Variants in FAM118B observed in about 807,000 individuals in gnomAD.
FAM118B encodes SIR2 antiphage like 1, also known as protein FAM118B.
Under a neutral mutation model 38.5 loss-of-function variants are expected in FAM118B, and 24 were observed. The observed-to-expected ratio is 0.62, with a 90% confidence interval of 0.45 to 0.88. The LOEUF (loss-of-function observed/expected upper bound fraction) is 0.88, where lower values mean the gene tolerates loss of function less well. Among genes scored for constraint, FAM118B ranks in the 40% least tolerant of loss-of-function variants. The probability of loss-of-function intolerance (pLI) is 0.00; values close to 1 mark genes in which losing one functional copy is unlikely to be tolerated. For missense variants in FAM118B, 334 were observed against 420.0 expected (o/e 0.80, Z 1.79); for synonymous variants, 138 against 156.3 (o/e 0.88, Z 0.87).
At chr11:126,227,058 C>CTTTTTTTTTTTT (rs575065140) in intron 1 of FAM118B, among the ~76,000 whole-genome samples, 3 of 97,172 alleles carry the variant, frequency 3.1e-5, no homozygotes, top group Non-Finnish European at 6.0e-5. Context: ...ATACAAGCTT[C>CTTTTTTTTTTTT]TTTTTTTTTT....
intron 5 of FAM118B, 23 bp from the exon 6 acceptor site, chr11:126,254,282 T>C (rs1234151688): frequency 6.2e-7 from 1 of 1,609,394 alleles, no homozygotes; most frequent in Non-Finnish European, 8.5e-7. Flanking sequence ...CCAAGCTGGT[T>C]GGGCTATATG....
chr11:126,224,305 T>C (rs903067127), intron 1 of FAM118B, among the ~76,000 whole-genome samples: 2 of 151,818 alleles, frequency 1.3e-5, no homozygotes. Flanking sequence ...AAACCCTGTC[T>C]CTACAAAATA....
chr11:126,219,223 C>T (rs1950024918), intron 1 of FAM118B, among the ~76,000 whole-genome samples: 1 of 151,824 alleles, frequency 6.6e-6, no homozygotes, highest in South Asian at 2.1e-4. Context: ...CACGTAAGGA[C>T]AGAAGTTATC....
rs1295359669 is a variant in FAM118B, at chr11:126,235,107, C to T, written c.86+20C>T. On this transcript the variant is annotated intron_variant, in intron 3 of 8. Coordinates refer to ENST00000533050, the MANE Select transcript of FAM118B (RefSeq NM_024556.4). ...GCCCAGGTAAACAAGAGAAGGGAATCAGCAGAGTAAATTACCATTAGTGGG... is the reference window on the plus strand; with the variant it reads ...GCCCAGGTAAACAAGAGAAGGGAATTAGCAGAGTAAATTACCATTAGTGGG... 7 of 1,607,970 alleles carry T rather than the reference C, an allele frequency of 4.4e-6. No homozygotes were observed. Among genetic ancestry groups the T allele is most frequent in the Middle Eastern group, 1.7e-4 (1 of 6,052 alleles).
At position 126,233,717 on chromosome 11, in the gene FAM118B, A is replaced by G. The variant is rs778794348; in HGVS notation, c.-7-1278A>G. The G allele has an allele frequency of 1.6e-4, 71 of 456,458 alleles. 1 individual carries two copies. The highest frequency in any genetic ancestry group is 7.7e-4 in the South Asian group (50 of 64,544). The allele number at this position is 456,458 out of a possible 1,614,324, so 28.3% of individuals were successfully genotyped here. A position where few individuals can be genotyped will look rare whatever the true frequency, so the allele number is the denominator to read the frequency against. On this transcript the variant is annotated intron_variant, in intron 2 of 8. Transcript: ENST00000533050. ...AGAATTACACTGCGTGTGATGGACTATGGGGTGAGGATGTGAGCCTTCTGT... is the reference window on the plus strand; with the variant it reads ...AGAATTACACTGCGTGTGATGGACTGTGGGGTGAGGATGTGAGCCTTCTGT...
At chr11:126,211,975 A>C in intron 1 of FAM118B, 145 bp downstream of exon 1, 26 of 251,010 alleles carry the variant, frequency 1.0e-4, no homozygotes, top group Non-Finnish European at 1.6e-4. Flanking sequence ...CCACTCAAAA[A>C]CTCCTCCCCG....
intron 3 of FAM118B, among the ~76,000 whole-genome samples, chr11:126,238,318 C>G (rs984784449): frequency 6.6e-6 from 1 of 151,856 alleles, no homozygotes; most frequent in Non-Finnish European, 1.5e-5. Flanking sequence ...GCCAAGATTA[C>G]GAGATTCCAT....
chr11:126,220,209 T>C (rs778268546), intron 1 of FAM118B, among the ~76,000 whole-genome samples: 5 of 152,196 alleles, frequency 3.3e-5, no homozygotes, highest in Non-Finnish European at 5.9e-5. Flanking sequence ...GTGCTCTCTT[T>C]TTCTGAATGA....
Position 126,234,648 on chromosome 11 carries a change from G to T in FAM118B, c.-7-347G>T, listed in dbSNP as rs575164729. On this transcript the variant is annotated intron_variant, in intron 2 of 8. Transcript: ENST00000533050. The stretch of plus-strand genomic sequence containing the variant: ...CCTGAGTCTTCCGCAAACCCATCTT[G>T]TGGGAGAATAACTGGTTTTTCTTAA... 4.6e-5 allele frequency among the ~76,000 whole-genome samples: 7 copies of T among 152,308 alleles called. No homozygotes were observed. The East Asian group carries it at 1.2e-3, about 25-fold the overall frequency.
chr11:126,226,706 G>A (rs947296381), intron 1 of FAM118B, among the ~76,000 whole-genome samples: 2 of 152,192 alleles, frequency 1.3e-5, no homozygotes, highest in African/African-American at 2.4e-5. Context: ...TTGGCCAGGT[G>A]CAGTGGCTCA....
intron 4 of FAM118B, 84 bp downstream of exon 4, chr11:126,241,128 A>G: frequency 1.5e-6 from 2 of 1,371,362 alleles, no homozygotes; most frequent in Non-Finnish European, 9.9e-7. Flanking sequence ...TGTCAAAACT[A>G]GCATGCCAAA....
intron 1 of FAM118B, among the ~76,000 whole-genome samples, chr11:126,227,380 CCTT>C (rs1241755179): frequency 5.3e-5 from 8 of 152,006 alleles, no homozygotes; most frequent in African/African-American, 1.9e-4. Context: ...ATTCATAAAT[CCTT>C]CTTTAGTTCC....
intron 4 of FAM118B, chr11:126,245,376 T>G (rs981618292): frequency 1.3e-5 from 2 of 152,138 alleles, no homozygotes; most frequent in African/African-American, 4.8e-5. Context: ...ACTCAAATTT[T>G]TTTTTCTTTC....
At chr11:126,257,544 G>C (rs1230519119) in intron 7 of FAM118B, among the ~76,000 whole-genome samples, 1 of 149,766 alleles carries the variant, frequency 6.7e-6, no homozygotes, top group Admixed American at 6.7e-5. Flanking sequence ...AGACATATGA[G>C]TAAAGGAAGA....
rs1591528011 is a variant in FAM118B, at chr11:126,255,568, C to T, written c.697-999C>T. Among the ~76,000 whole-genome samples the T allele has an allele frequency of 6.6e-6, 1 of 152,300 alleles. No homozygotes were observed. Among genetic ancestry groups the T allele is most frequent in the East Asian group, 1.9e-4 (1 of 5,182 alleles). On this transcript the variant is annotated intron_variant, in intron 6 of 8. Transcript: ENST00000533050. The surrounding 1 kb of genome is among the most constrained non-coding windows in gnomAD (Gnocchi z 4.6). ...AAATCCGATGATGGAATTATCTTCT[C>T]TGGTGATTCACAGTTCAGTTTGTGA...
intron 3 of FAM118B, among the ~76,000 whole-genome samples, chr11:126,240,478 T>C (rs1401105147): frequency 6.6e-6 from 1 of 152,150 alleles, no homozygotes; most frequent in Non-Finnish European, 1.5e-5. Context: ...AGAAGTCAGC[T>C]GAGCTATAGT....
At chr11:126,240,262 C>G (rs1470524381) in intron 3 of FAM118B, among the ~76,000 whole-genome samples, 1 of 151,074 alleles carries the variant, frequency 6.6e-6, no homozygotes, top group Non-Finnish European at 1.5e-5. Flanking sequence ...ATTCTATTGG[C>G]CACTTTTTTT....
chr11:126,250,810 A>C lies in FAM118B; in HGVS notation c.567+77A>C. 2.6e-6 allele frequency: 3 copies of C among 1,162,136 alleles called. No individual in the cohort carries two copies. The highest frequency in any genetic ancestry group is 1.6e-5 in the African/African-American group (1 of 63,938). 72.0% of individuals were successfully genotyped at this position (1,162,136 alleles called of 1,614,324 possible). ...TCAGAAAAGCTCTTTTCTAGTTGGT[A>C]TATTGGTATTTATGTAGAGCTAGAA... On this transcript the variant is annotated intron_variant, in intron 5 of 8. Transcript: ENST00000533050. The surrounding 1 kb of genome is among the most constrained non-coding windows in gnomAD (Gnocchi z 5.1).
At chr11:126,214,841 T>C (rs1015523194) in intron 1 of FAM118B, among the ~76,000 whole-genome samples, 4 of 152,204 alleles carry the variant, frequency 2.6e-5, no homozygotes, top group Non-Finnish European at 5.9e-5. Flanking sequence ...AAAGGCTGCA[T>C]TAGTATTTCG....
Sources: gnomAD v4.1 joint callset for allele counts (sites outside exome capture counted in the v4.1 genomes callset) on GRCh38, gnomAD v4.1.1 for gene constraint, Gnocchi (gnomAD v3.1) non-coding constraint, MANE v1.5 for transcripts, NCBI Gene and HGNC (gene_info 2026-07-23, HGNC 2026-07-21) for gene names.